Variants in LOC400499 observed in about 807,000 individuals in gnomAD.
At chr16:11,493,138 T>C in the LOC400499 span, among the ~76,000 whole-genome samples, 679 of 152,124 alleles carry the variant, frequency 4.5e-3, 9 homozygotes, top group African/African-American at 0.016. Flanking sequence ...GGGAAGTCAA[T>C]GAAGGGACTG....
chr16:11,388,720 C>G, the LOC400499 span, among the ~76,000 whole-genome samples: 1 of 152,198 alleles, frequency 6.6e-6, no homozygotes, highest in African/African-American at 2.4e-5. Flanking sequence ...GCCCCACCTA[C>G]CCGCCTCCCC....
chr16:11,512,699 G>T, the LOC400499 span, among the ~76,000 whole-genome samples: 1 of 152,176 alleles, frequency 6.6e-6, no homozygotes, highest in East Asian at 1.9e-4. Context: ...TTTAAATGGT[G>T]AATTGTATGG....
the LOC400499 span, chr16:11,493,698 G>A: frequency 3.0e-5 from 12 of 397,068 alleles, no homozygotes; most frequent in African/African-American, 2.3e-4. Flanking sequence ...GCCGGATCTC[G>A]GGTGTGCTGC....
At chr16:11,385,419 G>A in the LOC400499 span, 2 of 1,232,278 alleles carry the variant, frequency 1.6e-6, no homozygotes, top group Non-Finnish European at 2.0e-6. Context: ...GGCATGGTCT[G>A]GGTAGAAGCA....
the LOC400499 span, chr16:11,396,750 G>C: frequency 2.6e-6 from 3 of 1,166,682 alleles, no homozygotes; most frequent in East Asian, 3.2e-5. Context: ...CCTGCACCGA[G>C]AATGCAGCAG....
At chr16:11,380,674 C>T in the LOC400499 span, among the ~76,000 whole-genome samples, 38 of 151,214 alleles carry the variant, frequency 2.5e-4, no homozygotes, top group African/African-American at 8.8e-4. Context: ...GTCTGGTGTC[C>T]AAGAGGGGAA....
chr16:11,386,638 G>T, the LOC400499 span, among the ~76,000 whole-genome samples: 14 of 152,304 alleles, frequency 9.2e-5, no homozygotes, highest in East Asian at 2.7e-3. Flanking sequence ...TACATTTCAC[G>T]GTGGAGCAAA....
At chr16:11,448,608 T>A in the LOC400499 span, among the ~76,000 whole-genome samples, 2 of 152,134 alleles carry the variant, frequency 1.3e-5, no homozygotes, top group Non-Finnish European at 2.9e-5. Flanking sequence ...GTGCCTATAG[T>A]TCTAACTACT....
the LOC400499 span, among the ~76,000 whole-genome samples, chr16:11,401,720 C>T: frequency 0.52 from 78,855 of 152,112 alleles, 20,917 homozygotes; most frequent in Admixed American, 0.62. Flanking sequence ...GCTTCAATTT[C>T]GTCATCTGAA....
the LOC400499 span, among the ~76,000 whole-genome samples, chr16:11,456,667 G>C: frequency 4.6e-5 from 7 of 151,986 alleles, no homozygotes; most frequent in Non-Finnish European, 1.0e-4. Flanking sequence ...GCCTCGAGAA[G>C]TCCTCCCGCC....
At chr16:11,459,889 G>C in the LOC400499 span, 2 of 1,378,850 alleles carry the variant, frequency 1.5e-6, no homozygotes, top group African/African-American at 2.9e-5. Flanking sequence ...GCAGTGGCCA[G>C]GCTCACCTCC....
the LOC400499 span, among the ~76,000 whole-genome samples, chr16:11,418,432 G>A: frequency 4.6e-5 from 7 of 152,172 alleles, no homozygotes; most frequent in African/African-American, 1.7e-4. Flanking sequence ...AAACCAAGAA[G>A]GTGACAAGAG....
At chr16:11,506,088 G>C in the LOC400499 span, among the ~76,000 whole-genome samples, 2 of 152,292 alleles carry the variant, frequency 1.3e-5, no homozygotes, top group South Asian at 4.1e-4. Context: ...CCAGGCTGGA[G>C]TGCAGTGGAG....
At chr16:11,504,475 A>G in the LOC400499 span, among the ~76,000 whole-genome samples, 1 of 152,064 alleles carries the variant, frequency 6.6e-6, no homozygotes, top group Non-Finnish European at 1.5e-5. Flanking sequence ...AGATCACTTG[A>G]ACCAGGAGGT....
At chr16:11,512,364 C>T in the LOC400499 span, among the ~76,000 whole-genome samples, 2 of 152,034 alleles carry the variant, frequency 1.3e-5, no homozygotes, top group Non-Finnish European at 2.9e-5. Context: ...TTTGGGAGGC[C>T]GAGGCAGGCA....
chr16:11,441,370 C>T, the LOC400499 span, among the ~76,000 whole-genome samples: 1 of 152,136 alleles, frequency 6.6e-6, no homozygotes, highest in African/African-American at 2.4e-5. Flanking sequence ...TTGCCATATT[C>T]CTAATACTTA....
At chr16:11,524,938 C>T in the LOC400499 span, among the ~76,000 whole-genome samples, 1 of 152,182 alleles carries the variant, frequency 6.6e-6, no homozygotes, top group African/African-American at 2.4e-5. Flanking sequence ...AAAACCACCC[C>T]GCTGCACCTC....
the LOC400499 span, among the ~76,000 whole-genome samples, chr16:11,489,173 C>T: frequency 6.6e-6 from 1 of 152,322 alleles, no homozygotes; most frequent in South Asian, 2.1e-4. Context: ...AGCTCAAAAC[C>T]TGTGTGACCT....
chr16:11,385,336 T>C, the LOC400499 span: 1 of 1,232,170 alleles, frequency 8.1e-7, no homozygotes, highest in Admixed American at 4.2e-5. Flanking sequence ...GCCAGGAGGA[T>C]GCTGCCGCAC....
Sources: allele counts gnomAD v4.1 joint callset (sites outside exome capture counted in the v4.1 genomes callset), GRCh38; gene constraint gnomAD v4.1.1; transcripts MANE v1.5.